Variants in AK1 observed in about 807,000 individuals in gnomAD.
AK1 encodes the protein adenylate kinase isoenzyme 1.
A neutral mutation model predicts 23.9 loss-of-function variants in AK1; 13 were observed. That is an observed-to-expected ratio of 0.54 (90% CI 0.35 to 0.86). The LOEUF (loss-of-function observed/expected upper bound fraction) is 0.86. Ranked by LOEUF, AK1 falls within the 40% of genes least tolerant of loss-of-function variation. The pLI is 0.01. For missense variants in AK1, 214 were observed against 255.1 expected, an observed-to-expected ratio of 0.84 and a Z score of 1.10; for synonymous variants, 97 against 102.8, an observed-to-expected ratio of 0.94 and a Z score of 0.34.
intron 2 of AK1, chr9:127,873,282 G>C (rs1335823984): frequency 5.2e-6 from 8 of 1,532,758 alleles, no homozygotes; most frequent in Non-Finnish European, 7.0e-6. Context: ...CAGGCAGCCA[G>C]ACGGGCAGAG....
chr9:127,877,330 C>G lies in AK1; in HGVS notation c.-33+293G>C, dbSNP rs1224003480. Among the ~76,000 whole-genome samples the G allele has an allele frequency of 6.6e-6, 1 of 152,032 alleles. No individual in the cohort carries two copies. Among genetic ancestry groups the G allele is most frequent in the African/African-American group, 2.4e-5 (1 of 41,380 alleles). On this transcript the variant is annotated intron_variant, in intron 1 of 6. Coordinates refer to ENST00000644144, the MANE Select transcript of AK1 (RefSeq NM_000476.3). The surrounding 1 kb of genome is among the most constrained non-coding windows in gnomAD (Gnocchi z 5.2). Reference sequence around the variant, plus strand: ...CATGCCAAGGGCAGTGACCTGGAGCCCCGGGAGTGCCAGCCAGAACAAAGG... The same window carrying G: ...CATGCCAAGGGCAGTGACCTGGAGCGCCGGGAGTGCCAGCCAGAACAAAGG...
Position 127,868,352 on chromosome 9 carries a change from G to T in AK1, c.485C>A (p.Ala162Asp). ...TYYKATEPVIAFYEKRGIVRK... is the reference protein window; with the variant it reads ...TYYKATEPVIDFYEKRGIVRK... The stretch of plus-strand genomic sequence containing the variant: ...CACAATGCCACGTTTCTCATAGAAG[G>T]CGATGACAGGTTCTGTGGCCTTGTA... Residue 162 changes from alanine to aspartate, a missense_variant, in exon 6 of 7, where the codon GCC (alanine) becomes GAC (aspartate). By Grantham distance (126) the Ala-to-Asp change is moderately radical. Transcript: ENST00000644144. The surrounding 1 kb of genome is among the most constrained non-coding windows in gnomAD (Gnocchi z 4.1). The T allele has an allele frequency of 6.2e-7, 1 of 1,606,938 alleles. No individual in the cohort carries two copies. Among genetic ancestry groups the T allele is most frequent in the African/African-American group, 1.3e-5 (1 of 74,984 alleles).
chr9:127,873,272 C>T, intron 2 of AK1: 1 of 1,532,716 alleles, frequency 6.5e-7, no homozygotes, highest in South Asian at 1.2e-5. Context: ...GAGGGTGCTC[C>T]AGGCAGCCAG....
rs201419342 is a variant in AK1 at position 127,867,645 on chromosome 9, C to A, written c.*363G>T. ...TCGGAGCAGGGGCCCCGCCACTCAG[C>A]GCCGGGTCCTCAGGCCAGGCATGCC... On this transcript the variant is annotated 3_prime_UTR_variant, in exon 7 of 7. Transcript: ENST00000644144. 506 of 304,348 alleles carry A rather than the reference C, an allele frequency of 1.7e-3. 5 individuals carry two copies. Among genetic ancestry groups the A allele is most frequent in the African/African-American group, 0.011 (489 of 46,390 alleles). 18.9% of individuals were successfully genotyped at this position (304,348 alleles called of 1,614,324 possible).
intron 5 of AK1, among the ~76,000 whole-genome samples, chr9:127,870,046 T>C (rs1829352175): frequency 6.6e-6 from 1 of 152,176 alleles, no homozygotes; most frequent in African/African-American, 2.4e-5. Context: ...ACTTCCAGGC[T>C]GACCCTCCCT....
At position 127,871,672 on chromosome 9, in the gene AK1, T is replaced by C; in HGVS notation, c.324+151A>G. On this transcript the variant is annotated intron_variant, in intron 5 of 6. Coordinates refer to ENST00000644144, the MANE Select transcript of AK1 (RefSeq NM_000476.3). The surrounding 1 kb of genome is among the most constrained non-coding windows in gnomAD (Gnocchi z 4.4). ...CATTTTCTTCTACACTTCCAGAAAG[T>C]CTTCCTGGTTTTCCTCCTCACCCAC... The C allele has an allele frequency of 1.4e-6, 1 of 725,480 alleles. No homozygotes were observed. Among genetic ancestry groups the C allele is most frequent in the Non-Finnish European group, 2.5e-6 (1 of 403,462 alleles). The allele number at this position is 725,480 out of a possible 1,614,324, so 44.9% of individuals were successfully genotyped here. A position where few individuals can be genotyped will look rare whatever the true frequency, so the allele number is the denominator to read the frequency against.
rs1020346247 is a variant in AK1, at chr9:127,871,705, G to A, written c.324+118C>T. 48 of 836,668 alleles carry A rather than the reference G, an allele frequency of 5.7e-5. No individual in the cohort carries two copies. The highest frequency in any genetic ancestry group is 9.5e-5 in the Non-Finnish European group (46 of 484,158). The allele number at this position is 836,668 out of a possible 1,614,324, so 51.8% of individuals were successfully genotyped here. A position where few individuals can be genotyped will look rare whatever the true frequency, so the allele number is the denominator to read the frequency against. On this transcript the variant is annotated intron_variant, in intron 5 of 6. Transcript: ENST00000644144. This position sits in a 1 kb window ranked among gnomAD's most constrained non-coding sequence, Gnocchi z 4.4. ...GTTTTCCTCCTCACCCACACTCCAT[G>A]AATCAGCCTCTGCTCAGAACTCTGA...
upstream of AK1, among the ~76,000 whole-genome samples, chr9:127,879,000 TCACTTGAGCC>T (rs1829593694): frequency 6.6e-6 from 1 of 151,644 alleles, no homozygotes; most frequent in African/African-American, 2.4e-5. Flanking sequence ...TCACTTGAGC[TCACTTGAGCC>T]CAGGAATTCT....
rs743539 is a variant in AK1 at position 127,871,625 on chromosome 9, T to A, written c.324+198A>T. 6.6e-6 allele frequency among the ~76,000 whole-genome samples: 1 copy of A among 150,956 alleles called. No homozygotes were observed. The highest frequency in any genetic ancestry group is 1.5e-5 in the Non-Finnish European group (1 of 67,900). On this transcript the variant is annotated intron_variant, in intron 5 of 6. Transcript: ENST00000644144. This position sits in a 1 kb window ranked among gnomAD's most constrained non-coding sequence, Gnocchi z 4.4. ...TGAGCCCAGGTTTGGCAACTGCCCC[T>A]CCTGGCGCTTCCCCTTCTACACATT...
At chr9:127,873,107 C>T (rs1325255570) in intron 2 of AK1, 46 bp from the exon 3 acceptor site, 17 of 1,600,410 alleles carry the variant, frequency 1.1e-5, no homozygotes, top group African/African-American at 2.7e-5. Context: ...TCGCTGGACC[C>T]ACAGCCAGAG....
upstream of AK1, among the ~76,000 whole-genome samples, chr9:127,878,938 A>G (rs1460920508): frequency 6.6e-6 from 1 of 152,210 alleles, no homozygotes; most frequent in Non-Finnish European, 1.5e-5. Context: ...TGGACCGGGC[A>G]TAATGGTCAC....
chr9:127,872,852 A>G lies in AK1; in HGVS notation c.45T>C (p.Gly15=). ...LKKTKIIFVV[G]GPGSGKGTQC... is the part of the protein sequence containing the mutation. ...GGGTGCCCTTCCCTGAGCCAGGCCCACCTGCAAACGCCCACCCATTCATAA... is the reference window on the plus strand; with the variant it reads ...GGGTGCCCTTCCCTGAGCCAGGCCCGCCTGCAAACGCCCACCCATTCATAA... Residue 15 remains glycine (G), a splice_region_variant and synonymous_variant, in exon 4 of 7, where the codon GGT becomes GGC. Transcript: ENST00000644144. 1 of 1,613,890 alleles carries G rather than the reference A, an allele frequency of 6.2e-7. No homozygotes were observed. Among genetic ancestry groups the G allele is most frequent in the South Asian group, 1.1e-5 (1 of 91,054 alleles).
rs1350869360 is a variant in AK1 at position 127,868,624 on chromosome 9, C to G, written c.325-112G>C. The G allele has an allele frequency of 1.6e-6, 2 of 1,284,320 alleles. No individual in the cohort carries two copies. The highest frequency in any genetic ancestry group is 2.2e-6 in the Non-Finnish European group (2 of 919,074). 79.6% of individuals were successfully genotyped at this position (1,284,320 alleles called of 1,614,324 possible). ...AGATACCCCCTCAGACCTTCAATCC[C>G]TTCCCCAAGGCAGCCTGAAAGACCT... On this transcript the variant is annotated intron_variant, in intron 5 of 6. Transcript: ENST00000644144. The surrounding 1 kb of genome is among the most constrained non-coding windows in gnomAD (Gnocchi z 4.1).
At chr9:127,876,312 G>C (rs1829537244) in intron 1 of AK1, among the ~76,000 whole-genome samples, 1 of 152,236 alleles carries the variant, frequency 6.6e-6, no homozygotes, top group Admixed American at 6.5e-5. Context: ...CCATTGACTG[G>C]GCCTGGCATG....
At position 127,871,960 on chromosome 9, in the gene AK1, A is replaced by T. The variant is rs979146671; in HGVS notation, c.208-21T>A. ...GTCTCCTGGGGCACAGCAAAGGAGG[A>T]AGGGGCCATGAGCCTCTCCTCCCCA... is the stretch of plus-strand genomic sequence containing the variant. On this transcript the variant is annotated intron_variant, in intron 4 of 6. Transcript: ENST00000644144. This position sits in a 1 kb window ranked among gnomAD's most constrained non-coding sequence, Gnocchi z 4.4. The T allele has an allele frequency of 6.3e-7, 1 of 1,597,612 alleles. No homozygotes were observed. Among genetic ancestry groups the T allele is most frequent in the Non-Finnish European group, 8.6e-7 (1 of 1,165,438 alleles).
At position 127,877,188 on chromosome 9, in the gene AK1, C is replaced by T. The variant is rs991843214; in HGVS notation, c.-33+435G>A. Among the ~76,000 whole-genome samples the T allele has an allele frequency of 1.3e-5, 2 of 152,124 alleles. No homozygotes were observed. The highest frequency in any genetic ancestry group is 4.8e-5 in the African/African-American group (2 of 41,414). On this transcript the variant is annotated intron_variant, in intron 1 of 6. Coordinates refer to ENST00000644144, the MANE Select transcript of AK1 (RefSeq NM_000476.3). This position sits in a 1 kb window ranked among gnomAD's most constrained non-coding sequence, Gnocchi z 5.2. ...ATCCAGGGGGTGTTCTCCAATGCAC[C>T]CAGCACTAGAAGTGGAGTGACACGA...
chr9:127,874,111 A>C lies in AK1; in HGVS notation c.7+500T>G, dbSNP rs897483414. 30 of 985,326 alleles carry C rather than the reference A, an allele frequency of 3.0e-5. No homozygotes were observed. The African/African-American group carries it at 5.1e-4, about 17-fold the overall frequency. 61.0% of individuals were successfully genotyped at this position (985,326 alleles called of 1,614,324 possible). On this transcript the variant is annotated intron_variant, in intron 2 of 6. Coordinates refer to ENST00000644144, the MANE Select transcript of AK1 (RefSeq NM_000476.3). The stretch of plus-strand genomic sequence containing the variant: ...GCTGCCCAGGCCAAGGCACAGTGCC[A>C]GGAACTGGACGGATGGTGCTGCCAG...
At chr9:127,878,097 T>G (rs1829581077), upstream of AK1, among the ~76,000 whole-genome samples, 2 of 152,174 alleles carry the variant, frequency 1.3e-5, no homozygotes, top group African/African-American at 2.4e-5. Context: ...GGCTGAGGCA[T>G]CGACTCAGGG....
Position 127,868,260 on chromosome 9 carries a change from G to A in AK1, c.516+61C>T, listed in dbSNP as rs1217813343. 112 of 1,518,982 alleles carry A rather than the reference G, an allele frequency of 7.4e-5. No homozygotes were observed. Among genetic ancestry groups the A allele is most frequent in the Non-Finnish European group, 9.5e-5 (106 of 1,119,192 alleles). 94.1% of individuals were successfully genotyped at this position (1,518,982 alleles called of 1,614,324 possible). ...CTGGCCTGAGGCCACACAGTGAGCT[G>A]AGGCGGAGCCACATAGGAACCCGTT... On this transcript the variant is annotated intron_variant, in intron 6 of 6. Transcript: ENST00000644144. This position sits in a 1 kb window ranked among gnomAD's most constrained non-coding sequence, Gnocchi z 4.1.
Sources: gnomAD v4.1 joint callset for allele counts (sites outside exome capture counted in the v4.1 genomes callset) on GRCh38, gnomAD v4.1.1 for gene constraint, Gnocchi (gnomAD v3.1) non-coding constraint, MANE v1.5 for transcripts, NCBI Gene and HGNC (gene_info 2026-07-23, HGNC 2026-07-21) for gene names.